Variants in ATP13A3 observed in about 807,000 individuals in gnomAD.
ATP13A3 encodes ATPase 13A3.
A neutral mutation model predicts 158.1 loss-of-function variants in ATP13A3; 59 were observed. The ratio of observed to expected loss-of-function variants is 0.37; its 90% confidence interval spans 0.30 to 0.46. The LOEUF is 0.46. Among genes scored for constraint, ATP13A3 ranks in the 20% least tolerant of loss-of-function variants. ATP13A3 has a pLI of 1.00. For missense variants in ATP13A3, 1,166 were observed against 1,525.2 expected, an observed-to-expected ratio of 0.76 and a Z score of 3.92; for synonymous variants, 491 against 504.3, an observed-to-expected ratio of 0.97 and a Z score of 0.35.
chr3:194,469,489 A>G (rs1271823178), intron 2 of ATP13A3, among the ~76,000 whole-genome samples: 10 of 152,090 alleles, frequency 6.6e-5, no homozygotes, highest in Admixed American at 3.3e-4. Context: ...ACAAAAATAA[A>G]TAAGTATAAA....
At position 194,406,101 on chromosome 3, in the gene ATP13A3, A is replaced by C; in HGVS notation, c.3589T>G (p.Trp1197Gly). 1 of 1,614,118 alleles carries C rather than the reference A, an allele frequency of 6.2e-7. No homozygotes were observed. ...TQPPQESVDRWGKCCLPWALG... is the reference protein window; with the variant it reads ...TQPPQESVDRGGKCCLPWALG... ...GCCCAGGGTAAGCAGCATTTTCCCC[A>C]CCGATCCACTGACTCCTAAGAAAAT... The change falls in exon 34 of 34, where the codon TGG (tryptophan) becomes GGG (glycine). Residue 1197 changes from tryptophan to glycine, a missense_variant. Around this residue, in one of 3 missense-constraint regions of ATP13A3, gnomAD observed 997 missense variants for 1,341.2 expected, o/e 0.74. Coordinates refer to ENST00000645319, the MANE Select transcript of ATP13A3 (RefSeq NM_001367549.1).
intron 21 of ATP13A3, among the ~76,000 whole-genome samples, chr3:194,432,360 T>C (rs1056114742): frequency 6.6e-6 from 1 of 151,996 alleles, no homozygotes; most frequent in Non-Finnish European, 1.5e-5. Flanking sequence ...AGAACAGGTG[T>C]AAACGAGAAA....
At chr3:194,420,749 T>C (rs893398449) in intron 30 of ATP13A3, among the ~76,000 whole-genome samples, 1 of 152,140 alleles carries the variant, frequency 6.6e-6, no homozygotes, top group Non-Finnish European at 1.5e-5. Context: ...TATATAAGCA[T>C]ATACTTGTAT....
intron 28 of ATP13A3, among the ~76,000 whole-genome samples, chr3:194,427,919 C>G (rs926287669): frequency 2.6e-5 from 4 of 151,884 alleles, no homozygotes; most frequent in African/African-American, 9.7e-5. Flanking sequence ...AAGTTTTCCA[C>G]TATAAAGTTC....
intron 4 of ATP13A3, 79 bp from the exon 5 acceptor site, chr3:194,460,050 T>C: frequency 8.5e-7 from 1 of 1,169,828 alleles, no homozygotes; most frequent in Non-Finnish European, 1.2e-6. Context: ...TTCCATTCTT[T>C]ACAAGACATT....
At chr3:194,416,457 C>CAA (rs571254079) in intron 31 of ATP13A3, among the ~76,000 whole-genome samples, 6 of 144,266 alleles carry the variant, frequency 4.2e-5, no homozygotes, top group Admixed American at 4.1e-4. Context: ...GACTCCATCT[C>CAA]AAAAAAAAAA....
chr3:194,436,232 A>G (rs1328764036), intron 20 of ATP13A3, among the ~76,000 whole-genome samples: 1 of 152,172 alleles, frequency 6.6e-6, no homozygotes, highest in South Asian at 2.1e-4. Context: ...TGCTAGGTAC[A>G]TCATGAAATA....
intron 10 of ATP13A3, among the ~76,000 whole-genome samples, chr3:194,453,427 TAA>T (rs35823728): frequency 2.1e-3 from 312 of 145,262 alleles, no homozygotes; most frequent in Middle Eastern, 3.7e-3. Context: ...ACCCTGTCTC[TAA>T]AAAAAAAAAA....
chr3:194,453,751 C>A lies in ATP13A3; in HGVS notation c.793G>T (p.Ala265Ser). The A allele has an allele frequency of 6.2e-7, 1 of 1,613,678 alleles. No individual in the cohort carries two copies. Among genetic ancestry groups the A allele is most frequent in the Non-Finnish European group, 8.5e-7 (1 of 1,179,700 alleles). Reference sequence around the variant, plus strand: ...GAAACTCTTACGGTACTATGAGTTGCCACCATGTCATGCAACATAACATAT... The same window carrying A: ...GAAACTCTTACGGTACTATGAGTTGACACCATGTCATGCAACATAACATAT... ...KQYVMLHDMV[A>S]THSTVRVSVC... Residue 265 changes from alanine to serine, a missense_variant, in exon 10 of 34, where the codon GCA (alanine) becomes TCA (serine). By Grantham distance (99) the Ala-to-Ser change is moderately conservative. Around this residue, in one of 3 missense-constraint regions of ATP13A3, gnomAD observed 997 missense variants for 1,341.2 expected, o/e 0.74. Coordinates refer to ENST00000645319, the MANE Select transcript of ATP13A3 (RefSeq NM_001367549.1).
At chr3:194,409,831 C>A (rs1405473876) in intron 33 of ATP13A3, among the ~76,000 whole-genome samples, 1 of 150,640 alleles carries the variant, frequency 6.6e-6, no homozygotes, top group African/African-American at 2.5e-5. Context: ...AGAACCACGG[C>A]CTTATGGTAA....
At chr3:194,421,136 AG>A (rs11288169) in intron 30 of ATP13A3, among the ~76,000 whole-genome samples, 737 of 2,582 alleles carry the variant, frequency 0.29, 30 homozygotes, top group Middle Eastern at 0.5. Context: ...ATATATATAT[AG>A]TATATATATA....
At chr3:194,444,821 G>C in intron 14 of ATP13A3, 35 bp from the exon 15 acceptor site, 1 of 1,530,532 alleles carries the variant, frequency 6.5e-7, no homozygotes, top group Non-Finnish European at 8.8e-7. Flanking sequence ...CACAAAGTAT[G>C]GATGATGCCT....
chr3:194,417,438 CACACACAA>C (rs1715940574), intron 31 of ATP13A3, among the ~76,000 whole-genome samples: 1 of 149,806 alleles, frequency 6.7e-6, no homozygotes, highest in Non-Finnish European at 1.5e-5. Context: ...CACACACACA[CACACACAA>C]AAGGAGGAAG....
chr3:194,421,212 A>T (rs1363005981), intron 30 of ATP13A3, among the ~76,000 whole-genome samples: 3 of 108,880 alleles, frequency 2.8e-5, no homozygotes. Context: ...CACTTATACC[A>T]AAGGTGGAGA....
In ATP13A3 at chr3:194,427,182, A is replaced by G. The variant is rs190749788; in HGVS notation, c.3018T>C (p.Leu1006=). The G allele has an allele frequency of 1.3e-4, 204 of 1,613,850 alleles. 1 individual carries two copies. In the East Asian group the frequency reaches 3.5e-3, roughly 28 times the overall value. Residue 1006 remains leucine (L), a synonymous_variant, in exon 29 of 34, where the codon CTT becomes CTC. Coordinates refer to ENST00000645319, the MANE Select transcript of ATP13A3 (RefSeq NM_001367549.1). ...RPPSGLISGA[L]LFSVLSQIII... is the part of the protein sequence containing the mutation. ...TAATCTGAGACAAAACGGAGAAGAG[A>G]AGGGCCCCAGATATAAGACCCGAAG...
In ATP13A3 at chr3:194,403,710, C is replaced by A; in HGVS notation, c.*2209G>T. The A allele has an allele frequency of 6.4e-6, 1 of 156,550 alleles. No individual in the cohort carries two copies. The highest frequency in any genetic ancestry group is 1.4e-5 in the Non-Finnish European group (1 of 70,876). 9.7% of individuals were successfully genotyped at this position (156,550 alleles called of 1,614,324 possible). Reference sequence around the variant, plus strand: ...TAATGGTAACCTACGAGAGAAGACTCAGTCTATCTATGGCACTGAGTAGAA... The same window carrying A: ...TAATGGTAACCTACGAGAGAAGACTAAGTCTATCTATGGCACTGAGTAGAA... On this transcript the variant is annotated 3_prime_UTR_variant, in exon 34 of 34. Coordinates refer to ENST00000645319, the MANE Select transcript of ATP13A3 (RefSeq NM_001367549.1).
intron 31 of ATP13A3, among the ~76,000 whole-genome samples, chr3:194,415,067 G>A (rs1445743487): frequency 6.6e-6 from 1 of 152,154 alleles, no homozygotes; most frequent in Non-Finnish European, 1.5e-5. Context: ...CAGAGGGAGT[G>A]GAGCCAAAGT....
At chr3:194,449,092 G>C (rs1170016502) in intron 11 of ATP13A3, among the ~76,000 whole-genome samples, 3 of 134,282 alleles carry the variant, frequency 2.2e-5, no homozygotes, top group Non-Finnish European at 3.2e-5. Flanking sequence ...CACACACACA[G>C]AACAGAAAAG....
Position 194,427,265 on chromosome 3 carries a change from GAAA to G in ATP13A3, c.2948-16_2948-14del. 1 of 1,576,164 alleles carries G rather than the reference GAAA, an allele frequency of 6.3e-7. No homozygotes were observed. The highest frequency in any genetic ancestry group is 8.6e-7 in the Non-Finnish European group (1 of 1,166,706). ...GGATTTAAACTCACTATATTGAAAA[GAAA>G]AAGAGGAAAGGTTTGTATTTACATT... On this transcript the variant is annotated splice_polypyrimidine_tract_variant and intron_variant, in intron 28 of 33. Coordinates refer to ENST00000645319, the MANE Select transcript of ATP13A3 (RefSeq NM_001367549.1).
Sources: allele counts gnomAD v4.1 joint callset (sites outside exome capture counted in the v4.1 genomes callset), GRCh38; gene constraint gnomAD v4.1.1; regional missense constraint gnomAD v4.1.1; transcripts MANE v1.5; gene names NCBI Gene and HGNC (gene_info 2026-07-23, HGNC 2026-07-21).